Variants in GPAT3 observed in about 807,000 individuals in gnomAD.
GPAT3 encodes 1-AGP acyltransferase 9.
Under a neutral mutation model 58.8 loss-of-function variants are expected in GPAT3, and 53 were observed. That is an observed-to-expected ratio of 0.90 (90% CI 0.72 to 1.13). The LOEUF (loss-of-function observed/expected upper bound fraction) is 1.13, where lower values mean the gene tolerates loss of function less well. GPAT3 is among the 50% of genes most tolerant of loss of function. The pLI is 0.00. For synonymous variants in GPAT3, 197 were observed against 187.4 expected (o/e 1.05, Z -0.42); for missense variants, 511 against 527.6 (o/e 0.97, Z 0.31).
intron 5 of GPAT3, among the ~76,000 whole-genome samples, chr4:83,588,995 C>G (rs929020118): frequency 6.6e-6 from 1 of 152,148 alleles, no homozygotes; most frequent in African/African-American, 2.4e-5. Context: ...TTTGGTCTTT[C>G]TTTCTCATTT....
At chr4:83,590,007 G>T (rs1452989287) in intron 5 of GPAT3, among the ~76,000 whole-genome samples, 192 bp from the exon 6 acceptor site, 1 of 152,006 alleles carries the variant, frequency 6.6e-6, no homozygotes, top group African/African-American at 2.4e-5. Context: ...CAGGAGAATT[G>T]CTTGAACCCC....
At chr4:83,574,051 A>C (rs1411843405) in intron 2 of GPAT3, among the ~76,000 whole-genome samples, 2 of 152,168 alleles carry the variant, frequency 1.3e-5, no homozygotes, top group African/African-American at 4.8e-5. Context: ...ATCTGTGATC[A>C]CCTGTTTTTA....
intron 3 of GPAT3, among the ~76,000 whole-genome samples, chr4:83,585,935 AAGAC>A (rs1321389425): frequency 6.6e-6 from 1 of 152,076 alleles, no homozygotes; most frequent in Non-Finnish European, 1.5e-5. Flanking sequence ...AATCTCCTGA[AAGAC>A]AGAATAACAT....
At chr4:83,604,154 C>T (rs1396053199) in intron 11 of GPAT3, among the ~76,000 whole-genome samples, 1 of 152,168 alleles carries the variant, frequency 6.6e-6, no homozygotes, top group Non-Finnish European at 1.5e-5. Flanking sequence ...TCACTGCAAC[C>T]TCCACCTCCC....
intron 2 of GPAT3, among the ~76,000 whole-genome samples, chr4:83,562,413 A>C (rs1019110900): frequency 1.3e-5 from 2 of 150,842 alleles, no homozygotes; most frequent in African/African-American, 4.9e-5. Flanking sequence ...TGAAAAGATG[A>C]ATCTGGCAGT....
At position 83,575,065 on chromosome 4, in the gene GPAT3, G is replaced by A. The variant is rs560907725; in HGVS notation, c.209-6497G>A. Among the ~76,000 whole-genome samples, 78 of 151,688 alleles carry A rather than the reference G, an allele frequency of 5.1e-4. No homozygotes were observed. The South Asian group carries it at 0.013, about 25-fold the overall frequency. On this transcript the variant is annotated intron_variant, in intron 2 of 11. Transcript: ENST00000264409. ...CTAATTTTTTGTATTTTTAGTAGAG[G>A]TGGGGTTTCACCGTGTTAGCCAGGA...
At chr4:83,575,043 A>AT (rs1403832372) in intron 2 of GPAT3, among the ~76,000 whole-genome samples, 2 of 151,526 alleles carry the variant, frequency 1.3e-5, no homozygotes, top group Admixed American at 6.6e-5. Context: ...CGCCAGTCTA[A>AT]TTTTTTGTAT....
intron 1 of GPAT3, among the ~76,000 whole-genome samples, chr4:83,538,890 A>G (rs985064829): frequency 6.6e-6 from 1 of 152,208 alleles, no homozygotes; most frequent in African/African-American, 2.4e-5. Flanking sequence ...GTCTGCTGAG[A>G]CTAAGTTATT....
intron 4 of GPAT3, among the ~76,000 whole-genome samples, chr4:83,587,866 T>G: frequency 6.6e-6 from 1 of 152,176 alleles, no homozygotes; most frequent in Non-Finnish European, 1.5e-5. Flanking sequence ...AGAAAGAAAA[T>G]GAACTGAGTT....
intron 11 of GPAT3, among the ~76,000 whole-genome samples, chr4:83,603,935 T>C: frequency 6.6e-6 from 1 of 152,182 alleles, no homozygotes; most frequent in East Asian, 1.9e-4. Context: ...ATTTCTTCTG[T>C]GTATATTTTA....
chr4:83,549,463 GTGTGTATGTA>G (rs1438133879), intron 2 of GPAT3, among the ~76,000 whole-genome samples: 3 of 132,016 alleles, frequency 2.3e-5, no homozygotes, highest in East Asian at 2.1e-4. Context: ...GTGTGTGTGT[GTGTGTATGTA>G]TATATATATG....
At chr4:83,596,139 T>G (rs1255939419) in intron 7 of GPAT3, among the ~76,000 whole-genome samples, 1 of 152,116 alleles carries the variant, frequency 6.6e-6, no homozygotes, top group Non-Finnish European at 1.5e-5. Context: ...CATTTAAGGA[T>G]TGTCTTGTAC....
chr4:83,536,507 T>A lies in GPAT3; in HGVS notation c.-116T>A. 2.0e-6 allele frequency: 3 copies of A among 1,501,708 alleles called. No homozygotes were observed. Among genetic ancestry groups the A allele is most frequent in the Non-Finnish European group, 2.7e-6 (3 of 1,129,502 alleles). The allele number at this position is 1,501,708 out of a possible 1,614,324, so 93.0% of individuals were successfully genotyped here. On this transcript the variant is annotated 5_prime_UTR_variant, in exon 1 of 12. Transcript: ENST00000264409. ...CCTTCCTCTCTTCCCTTCGCAGAGG[T>A]GAGTGCCGGGCTCGGCGCTCTGCTC...
intron 1 of GPAT3, among the ~76,000 whole-genome samples, chr4:83,539,320 TTTTC>T (rs1398308366): frequency 2.6e-5 from 4 of 152,238 alleles, no homozygotes; most frequent in Non-Finnish European, 4.4e-5. Context: ...TTAGTTGTAT[TTTTC>T]TTTACATTTC....
chr4:83,596,204 G>A (rs1726826500), intron 7 of GPAT3, among the ~76,000 whole-genome samples: 2 of 152,184 alleles, frequency 1.3e-5, no homozygotes, highest in South Asian at 2.1e-4. Flanking sequence ...TTTTTCAGAT[G>A]AGGAAACCTA....
chr4:83,594,782 TA>T (rs990925439), intron 6 of GPAT3, 62 bp from the exon 7 acceptor site: 2 of 1,401,158 alleles, frequency 1.4e-6, no homozygotes, highest in African/African-American at 1.4e-5. Flanking sequence ...TGTTGGTACT[TA>T]AAAAACTTTC....
chr4:83,572,809 C>T (rs886853033), intron 2 of GPAT3, among the ~76,000 whole-genome samples: 5 of 152,148 alleles, frequency 3.3e-5, no homozygotes, highest in African/African-American at 9.7e-5. Context: ...ACAAAGGAGT[C>T]GCTGTGAAAT....
chr4:83,577,350 G>T (rs958763302), intron 2 of GPAT3, among the ~76,000 whole-genome samples: 5 of 152,140 alleles, frequency 3.3e-5, no homozygotes, highest in Non-Finnish European at 7.3e-5. Context: ...TTTGAATAAA[G>T]TCTGTAGATT....
intron 2 of GPAT3, among the ~76,000 whole-genome samples, chr4:83,558,530 A>C (rs1451506659): frequency 6.6e-6 from 1 of 152,198 alleles, no homozygotes; most frequent in Non-Finnish European, 1.5e-5. Flanking sequence ...GATGGGGGAC[A>C]TTGGCAAATG....
Sources: allele counts gnomAD v4.1 joint callset (sites outside exome capture counted in the v4.1 genomes callset), GRCh38; gene constraint gnomAD v4.1.1; transcripts MANE v1.5; gene names NCBI Gene and HGNC (gene_info 2026-07-23, HGNC 2026-07-21).